CTNNA3: variants seen among roughly 807,000 people sequenced by gnomAD.
The protein encoded by CTNNA3 is catenin alpha-3.
CTNNA3 carries 76 observed loss-of-function variants against 95.7 expected under a neutral mutation model. The ratio of observed to expected loss-of-function variants is 0.79; its 90% CI spans 0.66 to 0.96. The LOEUF (loss-of-function observed/expected upper bound fraction) is 0.96, where lower values mean the gene tolerates loss of function less well. Ranked by LOEUF, CTNNA3 falls within the 40% of genes least tolerant of loss-of-function variation. The probability of loss-of-function intolerance (pLI) is 0.00; values close to 1 mark genes in which losing one functional copy is unlikely to be tolerated. For synonymous variants in CTNNA3, 431 were observed against 374.4 expected, an observed-to-expected ratio of 1.15 and a Z score of -1.74; for missense variants, 1,191 against 1,089.8, an observed-to-expected ratio of 1.09 and a Z score of -1.31.
At chr10:66,960,375 A>G (rs1427654091) in intron 7 of CTNNA3, among the ~76,000 whole-genome samples, 1 of 152,116 alleles carries the variant, frequency 6.6e-6, no homozygotes, top group Non-Finnish European at 1.5e-5. Flanking sequence ...TAGCTGTCAA[A>G]CCAGATGTTG....
rs1589382329 is a variant in CTNNA3, at chr10:67,518,059, T to G, written c.579+3783A>C. 2.0e-5 allele frequency among the ~76,000 whole-genome samples: 3 copies of G among 152,306 alleles called. No individual in the cohort carries two copies. In the South Asian group the frequency reaches 6.2e-4, roughly 32 times the overall value. ...GACTTACTTTATACTTGATATATTG[T>G]TTCCTCAAAGCAAGCTATTTAAGTT... On this transcript the variant is annotated intron_variant, in intron 5 of 17. Transcript: ENST00000433211.
At chr10:65,950,863 C>A (rs2077598266) in intron 17 of CTNNA3, among the ~76,000 whole-genome samples, 1 of 152,124 alleles carries the variant, frequency 6.6e-6, no homozygotes, top group South Asian at 2.1e-4. Context: ...CTCCCCCCTT[C>A]ATTTCTTTCC....
chr10:67,660,507 C>G (rs1840148115), intron 1 of CTNNA3, among the ~76,000 whole-genome samples: 1 of 152,118 alleles, frequency 6.6e-6, no homozygotes, highest in Non-Finnish European at 1.5e-5. Flanking sequence ...GCCACAAACA[C>G]TCATCTTCAC....
intron 1 of CTNNA3, among the ~76,000 whole-genome samples, chr10:67,742,280 A>T (rs183313422): frequency 0.017 from 2,630 of 151,404 alleles, 161 homozygotes; most frequent in Non-Finnish European, 0.019. Flanking sequence ...ATGTAAAAGA[A>T]CAGAAATTAT....
At chr10:66,879,862 T>C (rs1589370744) in intron 7 of CTNNA3, among the ~76,000 whole-genome samples, 2 of 152,126 alleles carry the variant, frequency 1.3e-5, no homozygotes, top group South Asian at 4.2e-4. Context: ...ATGTTGGAGA[T>C]AGATGCATAG....
chr10:66,119,885 T>A (rs1301023606), intron 13 of CTNNA3, among the ~76,000 whole-genome samples: 2 of 152,154 alleles, frequency 1.3e-5, no homozygotes, highest in Non-Finnish European at 2.9e-5. Context: ...GAAAACTTAT[T>A]TGGCATCTGG....
intron 7 of CTNNA3, among the ~76,000 whole-genome samples, chr10:66,917,392 T>C (rs1846546249): frequency 1.3e-5 from 2 of 152,124 alleles, no homozygotes; most frequent in Admixed American, 6.6e-5. Flanking sequence ...GTACTAACAG[T>C]ATAAGGAAGG....
At chr10:66,899,046 G>T (rs1161153175) in intron 7 of CTNNA3, among the ~76,000 whole-genome samples, 2 of 152,058 alleles carry the variant, frequency 1.3e-5, no homozygotes, top group Non-Finnish European at 2.9e-5. Flanking sequence ...ATTAAAAATG[G>T]GCAAAGGACT....
At chr10:67,512,325 G>C (rs907846951) in intron 5 of CTNNA3, among the ~76,000 whole-genome samples, 1 of 152,086 alleles carries the variant, frequency 6.6e-6, no homozygotes, top group Non-Finnish European at 1.5e-5. Flanking sequence ...TAGTATGAAG[G>C]TTCCTAAAAT....
intron 9 of CTNNA3, among the ~76,000 whole-genome samples, chr10:66,764,832 T>A (rs552974299): frequency 1.3e-5 from 2 of 152,300 alleles, no homozygotes; most frequent in African/African-American, 2.4e-5. Context: ...AAATAATAAA[T>A]AATTCAATTA....
At chr10:67,687,088 G>A (rs1840746473) in intron 1 of CTNNA3, among the ~76,000 whole-genome samples, 1 of 152,198 alleles carries the variant, frequency 6.6e-6, no homozygotes, top group Non-Finnish European at 1.5e-5. Context: ...GGCCATCCCA[G>A]GATTCCTCAG....
chr10:66,661,077 A>T (rs898648370), intron 9 of CTNNA3, among the ~76,000 whole-genome samples: 9 of 152,160 alleles, frequency 5.9e-5, no homozygotes, highest in Non-Finnish European at 1.3e-4. Context: ...TATTATTCAT[A>T]AACCAACTGA....
intron 6 of CTNNA3, among the ~76,000 whole-genome samples, chr10:67,193,626 A>G (rs1007649306): frequency 2.0e-5 from 3 of 152,054 alleles, no homozygotes; most frequent in African/African-American, 7.2e-5. Context: ...TTTGCTTAGA[A>G]TAATGGCCTC....
In CTNNA3 at chr10:65,913,150, C is replaced by A. The variant is rs2076966166; in HGVS notation, c.*7180G>T. ...ATCCTAAATTATAATGTGCATATTA[C>A]CTTCAGAGAGGTCACTACATTTAAG... On this transcript the variant is annotated 3_prime_UTR_variant, in exon 18 of 18. Coordinates refer to ENST00000433211, the MANE Select transcript of CTNNA3 (RefSeq NM_013266.4). 1 of 152,116 alleles carries A rather than the reference C, an allele frequency of 6.6e-6. No individual in the cohort carries two copies. Among genetic ancestry groups the A allele is most frequent in the Admixed American group, 6.6e-5 (1 of 15,258 alleles). 9.4% of individuals were successfully genotyped at this position (152,116 alleles called of 1,614,324 possible).
At chr10:66,389,268 T>A (rs1027734286) in intron 11 of CTNNA3, among the ~76,000 whole-genome samples, 1 of 152,046 alleles carries the variant, frequency 6.6e-6, no homozygotes, top group Non-Finnish European at 1.5e-5. Context: ...ATTTTTAAAA[T>A]GAGGTTAAAA....
chr10:66,981,987 A>G (rs75875238), intron 7 of CTNNA3, among the ~76,000 whole-genome samples: 1,955 of 152,276 alleles, frequency 0.013, 40 homozygotes, highest in African/African-American at 0.045. Context: ...AGGTTATGAG[A>G]TTGCTCTTGG....
chr10:66,829,654 A>G (rs1406132127), intron 7 of CTNNA3, among the ~76,000 whole-genome samples: 1 of 149,896 alleles, frequency 6.7e-6, no homozygotes, highest in East Asian at 2.0e-4. Context: ...TTTCTCAAAT[A>G]TATTTTACCT....
At position 65,960,389 on chromosome 10, in the gene CTNNA3, G is replaced by A. The variant is rs181972434; in HGVS notation, c.2400+6223C>T. 4.3e-3 allele frequency among the ~76,000 whole-genome samples: 652 copies of A among 152,230 alleles called. 4 individuals carry two copies. The highest frequency in any genetic ancestry group is 0.014 in the African/African-American group (568 of 41,536). On this transcript the variant is annotated intron_variant, in intron 17 of 17. Transcript: ENST00000433211. Reference sequence around the variant, plus strand: ...AAATACAAAAAATTAGCCAGGCGCCGTGGGGGGCACCTGTAGTCCCACCTA... The same window carrying A: ...AAATACAAAAAATTAGCCAGGCGCCATGGGGGGCACCTGTAGTCCCACCTA...
At chr10:66,307,459 C>A (rs990491964) in intron 12 of CTNNA3, among the ~76,000 whole-genome samples, 5 of 152,114 alleles carry the variant, frequency 3.3e-5, no homozygotes, top group Non-Finnish European at 1.5e-5. Flanking sequence ...TCTAAAGATG[C>A]TTTTATGTGA....
Sources: gnomAD v4.1 joint callset for allele counts (sites outside exome capture counted in the v4.1 genomes callset) on GRCh38, gnomAD v4.1.1 for gene constraint, MANE v1.5 for transcripts, NCBI Gene and HGNC (gene_info 2026-07-23, HGNC 2026-07-21) for gene names.